CLIP1: variants seen among roughly 807,000 people sequenced by gnomAD.
CLIP1 encodes the protein CAP-Gly domain containing linker protein 1, also known as CAP-Gly domain-containing linker protein 1.
A neutral mutation model predicts 161.6 loss-of-function variants in CLIP1; 66 were observed. That is an observed-to-expected ratio of 0.41 (90% confidence interval 0.33 to 0.50). The LOEUF (loss-of-function observed/expected upper bound fraction) is 0.50, where lower values mean the gene tolerates loss of function less well. CLIP1 is among the 20% of genes least tolerant of loss of function. The pLI is 0.27. For missense variants in CLIP1, 1,376 were observed against 1,702.0 expected, an observed-to-expected ratio of 0.81 and a Z score of 3.37; for synonymous variants, 598 against 626.2, an observed-to-expected ratio of 0.96 and a Z score of 0.67.
chr12:122,397,061 A>C (rs762126966), intron 1 of CLIP1, among the ~76,000 whole-genome samples: 1 of 147,622 alleles, frequency 6.8e-6, no homozygotes, highest in East Asian at 2.0e-4. Flanking sequence ...TTACAGGCGT[A>C]AGCCACCGTG....
intron 17 of CLIP1, among the ~76,000 whole-genome samples, chr12:122,319,568 T>G (rs1566111365): frequency 6.6e-6 from 1 of 152,260 alleles, no homozygotes; most frequent in Non-Finnish European, 1.5e-5. Context: ...CTGCCATTTT[T>G]CAATGTCAAT....
In CLIP1 at chr12:122,279,646, C is replaced by A. The variant is rs189644830; in HGVS notation, c.3648-501G>T. 3 of 152,120 alleles carry A rather than the reference C, an allele frequency of 2.0e-5. No individual in the cohort carries two copies. In the East Asian group the frequency reaches 5.8e-4, roughly 29 times the overall value. The allele number at this position is 152,120 out of a possible 1,614,324, so 9.4% of individuals were successfully genotyped here. A position where few individuals can be genotyped will look rare whatever the true frequency, so the allele number is the denominator to read the frequency against. On this transcript the variant is annotated intron_variant, in intron 21 of 25. Coordinates refer to ENST00000620786, the MANE Select transcript of CLIP1 (RefSeq NM_001247997.2). This position sits in a 1 kb window ranked among gnomAD's most constrained non-coding sequence, Gnocchi z 4.5. ...ATTTCAGTAACTTTTGTAGCAAGTT[C>A]CAAGAATGGGTGTTTAAGATGTTAT...
intron 17 of CLIP1, among the ~76,000 whole-genome samples, chr12:122,319,576 A>G (rs771019238): frequency 6.6e-6 from 1 of 152,240 alleles, no homozygotes; most frequent in Non-Finnish European, 1.5e-5. Flanking sequence ...TTTCAATGTC[A>G]ATTGTTATGC....
At chr12:122,339,910 T>C (rs1952415551) in intron 11 of CLIP1, among the ~76,000 whole-genome samples, 1 of 152,128 alleles carries the variant, frequency 6.6e-6, no homozygotes, top group African/African-American at 2.4e-5. Flanking sequence ...TGTAACACAA[T>C]GCTAAGTATT....
At chr12:122,369,991 T>C (rs990199109) in intron 3 of CLIP1, among the ~76,000 whole-genome samples, 4 of 151,670 alleles carry the variant, frequency 2.6e-5, no homozygotes, top group Non-Finnish European at 5.9e-5. Context: ...GGCGAAACCC[T>C]GTCTCTACTA....
rs1254893667 is a variant in CLIP1, at chr12:122,357,051, A to T, written c.1006-1739T>A. 5.3e-5 allele frequency among the ~76,000 whole-genome samples: 8 copies of T among 151,586 alleles called. No individual in the cohort carries two copies. The East Asian group carries it at 1.6e-3, about 29-fold the overall frequency. On this transcript the variant is annotated intron_variant, in intron 5 of 25. Transcript: ENST00000620786. ...AGTGCCGAGACTGCAGCCTCTGCCCAGCCGCCACCCCGTCTGGGAAGTGAG... is the reference window on the plus strand; with the variant it reads ...AGTGCCGAGACTGCAGCCTCTGCCCTGCCGCCACCCCGTCTGGGAAGTGAG...
At chr12:122,364,430 G>T (rs1954024783) in intron 3 of CLIP1, among the ~76,000 whole-genome samples, 1 of 148,728 alleles carries the variant, frequency 6.7e-6, no homozygotes, top group Admixed American at 6.7e-5. Context: ...TTGAGACAGG[G>T]TCTCACTCTG....
At chr12:122,273,232 G>A (rs1955246092) in intron 25 of CLIP1, 132 bp from the exon 26 acceptor site, 1 of 661,300 alleles carries the variant, frequency 1.5e-6, no homozygotes, top group East Asian at 2.7e-5. Flanking sequence ...TATAAGTAGT[G>A]CATTATCCCA....
chr12:122,380,328 C>T, intron 2 of CLIP1, 40 bp downstream of exon 2: 1 of 1,237,624 alleles, frequency 8.1e-7, no homozygotes, highest in Non-Finnish European at 1.2e-6. Context: ...AAATTGAAGT[C>T]TCCATATAGG....
intron 20 of CLIP1, among the ~76,000 whole-genome samples, chr12:122,296,705 C>T (rs895914912): frequency 1.1e-4 from 16 of 151,588 alleles, no homozygotes; most frequent in Non-Finnish European, 5.9e-5. Context: ...TGCTTCAAAA[C>T]ACTCAGGGTA....
At chr12:122,333,930 C>A in intron 14 of CLIP1, 97 bp downstream of exon 14, 2 of 737,466 alleles carry the variant, frequency 2.7e-6, no homozygotes, top group Non-Finnish European at 4.8e-6. Context: ...AGAGGCTATG[C>A]CTGAATAGTA....
intron 9 of CLIP1, among the ~76,000 whole-genome samples, chr12:122,348,395 AGTT>A (rs1952849089): frequency 6.6e-6 from 1 of 152,208 alleles, no homozygotes; most frequent in Non-Finnish European, 1.5e-5. Context: ...CTTAAGATGA[AGTT>A]GTTTTTATTA....
chr12:122,409,827 C>T (rs1458951883), intron 1 of CLIP1, among the ~76,000 whole-genome samples: 2 of 151,336 alleles, frequency 1.3e-5, no homozygotes, highest in East Asian at 1.9e-4. Flanking sequence ...CCACCGCGCC[C>T]GGCCTCATTT....
In CLIP1 at chr12:122,341,762, CTTTTTTTTTTTTTTTTTTTTTTTTT is replaced by C. The variant is rs57202144; in HGVS notation, c.1507-90_1507-66del. The C allele has an allele frequency of 3.0e-3, 295 of 98,532 alleles. 1 individual carries two copies. The highest frequency in any genetic ancestry group is 0.015 in the Middle Eastern group (7 of 468). 6.1% of individuals were successfully genotyped at this position (98,532 alleles called of 1,614,324 possible). A position where few individuals can be genotyped will look rare whatever the true frequency, so the allele number is the denominator to read the frequency against. On this transcript the variant is annotated intron_variant, in intron 10 of 25. Coordinates refer to ENST00000620786, the MANE Select transcript of CLIP1 (RefSeq NM_001247997.2). ...AACAAGTCATTGACTATTTTCTTTT[CTTTTTTTTTTTTTTTTTTTTTTTTT>C]TTTTTTTTTTTTTGAGATGGAGTTT... is the stretch of plus-strand genomic sequence containing the variant.
At chr12:122,281,467 G>A (rs530226060) in intron 21 of CLIP1, among the ~76,000 whole-genome samples, 74 of 152,120 alleles carry the variant, frequency 4.9e-4, no homozygotes, top group African/African-American at 1.6e-3. Context: ...CAGGAGGATC[G>A]CTTGAGGCCA....
intron 5 of CLIP1, among the ~76,000 whole-genome samples, chr12:122,356,578 T>C (rs1176355812): frequency 2.6e-5 from 4 of 152,162 alleles, no homozygotes; most frequent in Non-Finnish European, 5.9e-5. Context: ...TCATTCTGGT[T>C]ATTAAAGAAT....
At chr12:122,403,496 T>TTC (rs1566235438) in intron 1 of CLIP1, among the ~76,000 whole-genome samples, 1 of 72,312 alleles carries the variant, frequency 1.4e-5, no homozygotes, top group Admixed American at 2.2e-4. Context: ...CATTTCTTGT[T>TTC]TTGTTTTTTT....
intron 1 of CLIP1, among the ~76,000 whole-genome samples, chr12:122,414,221 C>T (rs1202449043): frequency 1.3e-5 from 2 of 152,074 alleles, no homozygotes; most frequent in African/African-American, 4.8e-5. Flanking sequence ...TCACTGTAGC[C>T]TCCTGGGATC....
chr12:122,306,051 C>G (rs1399295505), intron 20 of CLIP1, among the ~76,000 whole-genome samples: 3 of 145,254 alleles, frequency 2.1e-5, no homozygotes, highest in Non-Finnish European at 4.5e-5. Context: ...GAGACTCCAT[C>G]TAAAAAAAAA....
Sources: allele counts gnomAD v4.1 joint callset (sites outside exome capture counted in the v4.1 genomes callset), GRCh38; gene constraint gnomAD v4.1.1; non-coding constraint Gnocchi (gnomAD v3.1); transcripts MANE v1.5; gene names NCBI Gene and HGNC (gene_info 2026-07-23, HGNC 2026-07-21).